NTRK2: variants seen among roughly 807,000 people sequenced by gnomAD.
The protein encoded by NTRK2 is BDNF/NT-3 growth factors receptor.
A neutral mutation model predicts 94.5 loss-of-function variants in NTRK2; 13 were observed. The ratio of observed to expected loss-of-function variants is 0.14; its 90% CI spans 0.09 to 0.22. The LOEUF (loss-of-function observed/expected upper bound fraction) is 0.22, where lower values mean the gene tolerates loss of function less well. Among genes scored for constraint, NTRK2 ranks in the 10% least tolerant of loss-of-function variants. The pLI, the probability that NTRK2 is intolerant of heterozygous loss-of-function variation, is 1.00. For synonymous variants in NTRK2, 372 were observed against 407.4 expected (o/e 0.91, Z 1.05); for missense variants, 639 against 1,071.2 (o/e 0.60, Z 5.63).
chr9:84,927,411 T>C (rs1022055975), intron 14 of NTRK2, among the ~76,000 whole-genome samples: 5 of 151,702 alleles, frequency 3.3e-5, no homozygotes, highest in African/African-American at 1.2e-4. Flanking sequence ...ACATGGGTTT[T>C]TCTGCCCTTT....
Position 85,021,201 on chromosome 9 carries a change from G to C in NTRK2, c.2332-51G>C, listed in dbSNP as rs758390762. ...TGTTTTTTTGCACTGACATTTCTTC[G>C]ATGTGCATTGCTTTTCCTCCTGTCT... is the stretch of plus-strand genomic sequence containing the variant. On this transcript the variant is annotated intron_variant, in intron 18 of 18. Coordinates refer to ENST00000277120, the MANE Select transcript of NTRK2 (RefSeq NM_006180.6). The C allele has an allele frequency of 2.6e-6, 4 of 1,525,964 alleles. No individual in the cohort carries two copies. In the South Asian group the frequency reaches 4.5e-5, roughly 17 times the overall value. The allele number at this position is 1,525,964 out of a possible 1,614,324, so 94.5% of individuals were successfully genotyped here.
At chr9:84,710,520 A>G (rs2061362766) in intron 5 of NTRK2, 117 bp from the exon 6 acceptor site, 2 of 1,050,978 alleles carry the variant, frequency 1.9e-6, no homozygotes, top group African/African-American at 1.6e-5. Context: ...TGAAAGTGGT[A>G]TGACTTCCAA....
At chr9:84,929,947 G>A (rs1446232156) in intron 14 of NTRK2, among the ~76,000 whole-genome samples, 1 of 152,192 alleles carries the variant, frequency 6.6e-6, no homozygotes, top group Non-Finnish European at 1.5e-5. Flanking sequence ...CAGATTGGCT[G>A]ATCACAGAGA....
At chr9:84,742,491 T>C (rs1299484916) in intron 10 of NTRK2, among the ~76,000 whole-genome samples, 2 of 152,154 alleles carry the variant, frequency 1.3e-5, no homozygotes, top group Admixed American at 1.3e-4. Flanking sequence ...GCGGGGGAGC[T>C]GCTGCCATTC....
intron 9 of NTRK2, among the ~76,000 whole-genome samples, chr9:84,739,635 C>T (rs1196080504): frequency 2.0e-5 from 3 of 152,122 alleles, no homozygotes; most frequent in African/African-American, 4.8e-5. Context: ...GGTGTAAAAG[C>T]GATGGTGACC....
intron 12 of NTRK2, among the ~76,000 whole-genome samples, chr9:84,855,581 A>ATT (rs377152273): frequency 0.033 from 4,350 of 133,680 alleles, 241 homozygotes; most frequent in African/African-American, 0.11. Context: ...CCTCAAGCAT[A>ATT]TTTTTTTTTT....
chr9:84,898,705 C>G (rs2076835479), intron 14 of NTRK2, among the ~76,000 whole-genome samples: 1 of 151,462 alleles, frequency 6.6e-6, no homozygotes, highest in African/African-American at 2.4e-5. Context: ...AAGACAGAGT[C>G]TCGCTCTTTT....
At chr9:84,892,344 A>T (rs2076619610) in intron 14 of NTRK2, among the ~76,000 whole-genome samples, 1 of 152,152 alleles carries the variant, frequency 6.6e-6, no homozygotes, top group Non-Finnish European at 1.5e-5. Flanking sequence ...TCTGTGTGAG[A>T]GATTCCATGT....
At chr9:84,968,455 G>C (rs1362890248) in intron 17 of NTRK2, among the ~76,000 whole-genome samples, 1 of 152,146 alleles carries the variant, frequency 6.6e-6, no homozygotes, top group Non-Finnish European at 1.5e-5. Context: ...CAGAACCATG[G>C]CTTTTTAGAT....
intron 14 of NTRK2, among the ~76,000 whole-genome samples, chr9:84,918,664 G>C (rs1321763568): frequency 2.6e-5 from 4 of 152,188 alleles, no homozygotes; most frequent in African/African-American, 9.7e-5. Flanking sequence ...TGGCAGCATG[G>C]TTAAGGGAAA....
At chr9:84,773,784 T>C (rs1386586593) in intron 12 of NTRK2, among the ~76,000 whole-genome samples, 1 of 152,080 alleles carries the variant, frequency 6.6e-6, no homozygotes, top group Non-Finnish European at 1.5e-5. Flanking sequence ...CCCTTTCACT[T>C]CAAAAAGAAC....
At chr9:85,000,483 T>G (rs979485858) in intron 17 of NTRK2, among the ~76,000 whole-genome samples, 4 of 152,216 alleles carry the variant, frequency 2.6e-5, no homozygotes, top group African/African-American at 7.2e-5. Context: ...GTCATGCAAT[T>G]GGAATCATAC....
intron 14 of NTRK2, among the ~76,000 whole-genome samples, chr9:84,921,417 A>C (rs2077563242): frequency 1.3e-5 from 2 of 152,142 alleles, no homozygotes; most frequent in South Asian, 4.1e-4. Flanking sequence ...CTCATAAACT[A>C]CTTTTAACAC....
intron 2 of NTRK2, among the ~76,000 whole-genome samples, chr9:84,674,612 T>G (rs2058916880): frequency 6.6e-6 from 1 of 152,232 alleles, no homozygotes; most frequent in Non-Finnish European, 1.5e-5. Context: ...GCCATGTATT[T>G]AAATTTGGAG....
chr9:84,866,137 G>C (rs181338436), intron 13 of NTRK2, among the ~76,000 whole-genome samples: 1 of 152,144 alleles, frequency 6.6e-6, no homozygotes, highest in Non-Finnish European at 1.5e-5. Flanking sequence ...AGGTAACTTT[G>C]CCATGGGATT....
At chr9:84,765,301 C>T (rs891498573) in intron 12 of NTRK2, among the ~76,000 whole-genome samples, 3 of 152,154 alleles carry the variant, frequency 2.0e-5, no homozygotes, top group Non-Finnish European at 2.9e-5. Context: ...TGTATCAAAA[C>T]ATCTCATGTA....
At chr9:84,716,748 A>G (rs1365926724) in intron 6 of NTRK2, among the ~76,000 whole-genome samples, 1 of 152,140 alleles carries the variant, frequency 6.6e-6, no homozygotes, top group African/African-American at 2.4e-5. Context: ...TAGAATGTCA[A>G]ATGAAGTTGT....
chr9:84,767,023 T>C (rs2066100628), intron 12 of NTRK2, among the ~76,000 whole-genome samples: 3 of 152,200 alleles, frequency 2.0e-5, no homozygotes, highest in Admixed American at 1.3e-4. Context: ...ACCCATCACA[T>C]GGCCATGGCC....
intron 14 of NTRK2, among the ~76,000 whole-genome samples, chr9:84,879,600 G>A (rs908069177): frequency 5.9e-5 from 9 of 152,190 alleles, no homozygotes; most frequent in Admixed American, 2.0e-4. Flanking sequence ...TGGGAAAAGT[G>A]AGGCTCAGAA....
Sources: gnomAD v4.1 joint callset for allele counts (sites outside exome capture counted in the v4.1 genomes callset) on GRCh38, gnomAD v4.1.1 for gene constraint, MANE v1.5 for transcripts, NCBI Gene and HGNC (gene_info 2026-07-23, HGNC 2026-07-21) for gene names.